DNAH12: variants seen among roughly 807,000 people sequenced by gnomAD.
DNAH12 encodes the protein dynein axonemal heavy chain 12.
DNAH12 carries 285 observed loss-of-function variants against 371.5 expected under a neutral mutation model. The ratio of observed to expected loss-of-function variants is 0.77; its 90% CI spans 0.70 to 0.85. The LOEUF is 0.85. DNAH12 is among the 40% of genes least tolerant of loss of function. DNAH12 has a pLI of 0.00. For missense variants in DNAH12, 3,611 were observed against 3,689.4 expected, an observed-to-expected ratio of 0.98 and a Z score of 0.55; for synonymous variants, 1,200 against 1,213.0, an observed-to-expected ratio of 0.99 and a Z score of 0.22.
chr3:57,408,155 C>G lies in DNAH12; in HGVS notation c.6276+125G>C. 2.8e-6 allele frequency: 3 copies of G among 1,085,352 alleles called. No individual in the cohort carries two copies. In the South Asian group the frequency reaches 7.0e-5, roughly 25 times the overall value. 67.2% of individuals were successfully genotyped at this position (1,085,352 alleles called of 1,614,324 possible). On this transcript the variant is annotated intron_variant, in intron 40 of 73. Transcript: ENST00000495027. ...TTTCAAATCCTGTGATCTTCCTATTCTCTGGTCTTCTAAACAGTTTCTCTG... is the reference window on the plus strand; with the variant it reads ...TTTCAAATCCTGTGATCTTCCTATTGTCTGGTCTTCTAAACAGTTTCTCTG...
intron 29 of DNAH12, among the ~76,000 whole-genome samples, chr3:57,441,806 A>G (rs556209370): frequency 2.1e-4 from 32 of 152,254 alleles, no homozygotes; most frequent in African/African-American, 7.7e-4. Flanking sequence ...AAGAAAAGAA[A>G]AAGTAAATTT....
intron 27 of DNAH12, among the ~76,000 whole-genome samples, 170 bp from the exon 28 acceptor site, chr3:57,445,589 AT>A (rs1195932453): frequency 6.6e-6 from 1 of 152,054 alleles, no homozygotes; most frequent in Non-Finnish European, 1.5e-5. Context: ...TGCAGTTAGT[AT>A]TTTTTTGGAT....
At chr3:57,332,360 T>A (rs1017948936) in intron 62 of DNAH12, among the ~76,000 whole-genome samples, 1 of 152,208 alleles carries the variant, frequency 6.6e-6, no homozygotes, top group African/African-American at 2.4e-5. Context: ...CTTCTACTTT[T>A]AGCTATGATG....
chr3:57,483,637 T>A, intron 12 of DNAH12, 126 bp from the exon 13 acceptor site: 1 of 1,107,176 alleles, frequency 9.0e-7, no homozygotes, highest in Non-Finnish European at 1.2e-6. Context: ...CTTGATTCAC[T>A]AAGGTATCTT....
At chr3:57,537,177 G>C (rs2069080461) in intron 2 of DNAH12, among the ~76,000 whole-genome samples, 2 of 152,106 alleles carry the variant, frequency 1.3e-5, no homozygotes, top group Non-Finnish European at 2.9e-5. Context: ...CTGGGCAAAA[G>C]AGTGAGACCT....
At chr3:57,369,908 C>G (rs1291357241) in intron 55 of DNAH12, among the ~76,000 whole-genome samples, 3 of 152,126 alleles carry the variant, frequency 2.0e-5, no homozygotes, top group Non-Finnish European at 4.4e-5. Flanking sequence ...TTCTTGTCTA[C>G]TCTGAAAGAA....
At chr3:57,474,287 A>G (rs986931131) in intron 13 of DNAH12, among the ~76,000 whole-genome samples, 3 of 152,178 alleles carry the variant, frequency 2.0e-5, no homozygotes, top group Non-Finnish European at 4.4e-5. Context: ...AAATATATAA[A>G]AATATTAAAG....
intron 66 of DNAH12, among the ~76,000 whole-genome samples, chr3:57,311,303 C>T (rs2061579604): frequency 6.6e-6 from 1 of 152,190 alleles, no homozygotes; most frequent in African/African-American, 2.4e-5. Context: ...TCTTGAACTC[C>T]TGACCTCAGG....
intron 29 of DNAH12, 57 bp downstream of exon 29, chr3:57,444,640 T>A (rs375487906): frequency 1.3e-6 from 2 of 1,535,910 alleles, no homozygotes; most frequent in Non-Finnish European, 1.8e-6. Flanking sequence ...TGGTAAACAA[T>A]TGAGTCATCG....
chr3:57,345,999 T>C (rs1559574780), intron 60 of DNAH12, among the ~76,000 whole-genome samples: 1 of 152,114 alleles, frequency 6.6e-6, no homozygotes, highest in Non-Finnish European at 1.5e-5. Flanking sequence ...AAACCCATGT[T>C]GTTCAAGGGT....
intron 35 of DNAH12, among the ~76,000 whole-genome samples, chr3:57,424,544 G>A (rs1344109575): frequency 2.0e-5 from 3 of 151,540 alleles, no homozygotes; most frequent in East Asian, 1.9e-4. Flanking sequence ...TTGGGAGGCC[G>A]ATGCGGGTGG....
At chr3:57,445,073 G>T (rs1190037890) in intron 28 of DNAH12, 101 bp downstream of exon 28, 7 of 1,327,892 alleles carry the variant, frequency 5.3e-6, no homozygotes, top group Admixed American at 2.9e-5. Flanking sequence ...AAAAGACAAA[G>T]CTCAACCCTC....
intron 70 of DNAH12, among the ~76,000 whole-genome samples, chr3:57,299,255 G>A (rs2061296753): frequency 6.6e-6 from 1 of 152,180 alleles, no homozygotes; most frequent in Admixed American, 6.5e-5. Context: ...TCAGCTACTT[G>A]TACTACCTCT....
chr3:57,480,652 T>A (rs2066707133), intron 13 of DNAH12, among the ~76,000 whole-genome samples: 1 of 152,070 alleles, frequency 6.6e-6, no homozygotes, highest in Admixed American at 6.6e-5. Context: ...CTGATGAACG[T>A]CGATGCAAAA....
chr3:57,522,166 G>C (rs958834649), intron 4 of DNAH12, among the ~76,000 whole-genome samples: 5 of 152,116 alleles, frequency 3.3e-5, no homozygotes, highest in Non-Finnish European at 7.3e-5. Context: ...GGAGTTTGCA[G>C]TGAGCCAGGA....
intron 39 of DNAH12, among the ~76,000 whole-genome samples, chr3:57,411,169 T>C (rs897582002): frequency 1.3e-5 from 2 of 152,184 alleles, no homozygotes; most frequent in Non-Finnish European, 2.9e-5. Context: ...TGTAAAGAGT[T>C]ACCATGTAAA....
chr3:57,314,362 T>C (rs2061642663), intron 66 of DNAH12, 132 bp downstream of exon 66: 3 of 1,137,600 alleles, frequency 2.6e-6, no homozygotes, highest in Admixed American at 5.8e-5. Flanking sequence ...TAGTGCTTCA[T>C]AAGCCATAGT....
chr3:57,345,167 C>CAGT, intron 60 of DNAH12, among the ~76,000 whole-genome samples: 1 of 152,202 alleles, frequency 6.6e-6, no homozygotes, highest in Non-Finnish European at 1.5e-5. Context: ...TGTAAATTTA[C>CAGT]ATAATCTGTT....
At chr3:57,529,866 CTT>C (rs1225505514) in intron 2 of DNAH12, among the ~76,000 whole-genome samples, 4 of 152,042 alleles carry the variant, frequency 2.6e-5, no homozygotes, top group Non-Finnish European at 4.4e-5. Context: ...GATGTAGACA[CTT>C]ATAGCTATAA....
Sources: allele counts gnomAD v4.1 joint callset (sites outside exome capture counted in the v4.1 genomes callset), GRCh38; gene constraint gnomAD v4.1.1; transcripts MANE v1.5; gene names NCBI Gene and HGNC (gene_info 2026-07-23, HGNC 2026-07-21).